The following FRMD1 variants were observed in gnomAD, a reference collection of about 807,000 sequenced individuals.
The protein encoded by FRMD1 is FERM domain containing 1.
In FRMD1, 51 loss-of-function variants were observed where a neutral mutation model predicts 54.9. The ratio of observed to expected loss-of-function variants is 0.93; its 90% CI spans 0.74 to 1.17. The LOEUF is 1.17. Among genes scored for constraint, FRMD1 ranks in the 50% most tolerant of loss-of-function variants. The pLI is 0.00. For synonymous variants in FRMD1, 324 were observed against 306.4 expected (o/e 1.06, Z -0.60); for missense variants, 729 against 743.0 (o/e 0.98, Z 0.22).
chr6:168,073,474 G>C (rs1188745735), intron 2 of FRMD1, among the ~76,000 whole-genome samples: 1 of 152,120 alleles, frequency 6.6e-6, no homozygotes, highest in African/African-American at 2.4e-5. Flanking sequence ...TGCCCCCCAG[G>C]GTCCTCCTTC....
Position 168,057,723 on chromosome 6 carries a change from A to G in FRMD1, c.1408-384T>C, listed in dbSNP as rs577863059. On this transcript the variant is annotated intron_variant, in intron 10 of 10. Transcript: ENST00000283309. Reference sequence around the variant, plus strand: ...GGCCTCCTATTTTATACGGGAGGAAACTGTCTGGGTTCAGAGGTGACTGTC... The same window carrying G: ...GGCCTCCTATTTTATACGGGAGGAAGCTGTCTGGGTTCAGAGGTGACTGTC... 269 of 226,838 alleles carry G rather than the reference A, an allele frequency of 1.2e-3. 2 individuals are homozygous for G. Among genetic ancestry groups the G allele is most frequent in the South Asian group, 2.1e-3 (34 of 16,522 alleles). The allele number at this position is 226,838 out of a possible 1,614,324, so 14.1% of individuals were successfully genotyped here.
At position 168,064,980 on chromosome 6, in the gene FRMD1, T is replaced by C. The variant is rs1028964435; in HGVS notation, c.539A>G (p.Glu180Gly). 2 of 1,611,956 alleles carry C rather than the reference T, an allele frequency of 1.2e-6. No individual in the cohort carries two copies. Among genetic ancestry groups the C allele is most frequent in the Non-Finnish European group, 1.7e-6 (2 of 1,179,878 alleles). Residue 180 changes from glutamate to glycine, a missense_variant, in exon 5 of 11, where the codon GAA becomes GGA. Transcript: ENST00000283309. Reference protein sequence around the residue: ...VLRSQCAHREEAYFLLAACAL... With the variant: ...VLRSQCAHREGAYFLLAACAL... ...GCAGGCAGCCAGCAGGAAGTAGGCTTCCTCCCGGTGAGCGCACTGTGACCT... is the reference window on the plus strand; with the variant it reads ...GCAGGCAGCCAGCAGGAAGTAGGCTCCCTCCCGGTGAGCGCACTGTGACCT...
intron 2 of FRMD1, among the ~76,000 whole-genome samples, chr6:168,068,668 G>A (rs1324793475): frequency 6.6e-6 from 1 of 152,192 alleles, no homozygotes; most frequent in East Asian, 1.9e-4. Context: ...CGTGGATACA[G>A]AGCACAGTCT....
rs1033527424 is a variant in FRMD1 at position 168,065,238 on chromosome 6, C to T, written c.462-181G>A. 12 of 1,378,936 alleles carry T rather than the reference C, an allele frequency of 8.7e-6. No individual in the cohort carries two copies. The African/African-American group carries it at 1.6e-4, about 19-fold the overall frequency. The allele number at this position is 1,378,936 out of a possible 1,614,324, so 85.4% of individuals were successfully genotyped here. A position where few individuals can be genotyped will look rare whatever the true frequency, so the allele number is the denominator to read the frequency against. On this transcript the variant is annotated intron_variant, in intron 4 of 10. Coordinates refer to ENST00000283309, the MANE Select transcript of FRMD1 (RefSeq NM_024919.6). The stretch of plus-strand genomic sequence containing the variant: ...AGGGCCAGCACGGCACAGGCCCACA[C>T]TCTTCCTGGAGCGGGGCACAGGTGA...
upstream of FRMD1, among the ~76,000 whole-genome samples, chr6:168,079,846 G>A (rs1304676438): frequency 6.6e-6 from 1 of 152,222 alleles, no homozygotes; most frequent in Non-Finnish European, 1.5e-5. Context: ...CTCCCGCAGG[G>A]CCTGGAACCC....
intron 2 of FRMD1, among the ~76,000 whole-genome samples, chr6:168,073,971 C>T (rs986870749): frequency 1.3e-5 from 2 of 152,084 alleles, no homozygotes; most frequent in African/African-American, 4.8e-5. Context: ...CACTGAGCTT[C>T]ATCTCCATCT....
chr6:168,081,236 G>T (rs1187938271), upstream of FRMD1: 6 of 1,004,758 alleles, frequency 6.0e-6, no homozygotes, highest in African/African-American at 1.6e-5. Flanking sequence ...AGTACCTCCC[G>T]CCAGGGCACT....
In FRMD1 at chr6:168,078,965, G is replaced by T. The variant is rs376991971; in HGVS notation, c.130C>A (p.Leu44Met). Reference protein sequence around the residue: ...RPACSQQEPTLGMDAMASEHR... With the variant: ...RPACSQQEPTMGMDAMASEHR... ...TCCGAGGCCATCGCGTCCATTCCCA[G>T]GGTCGGCTCCTGCTGACTGCATGCA... Residue 44 changes from leucine to methionine, a missense_variant, in exon 1 of 11, where the codon CTG (leucine) becomes ATG (methionine). Physicochemically the swap from Leu to Met is conservative, Grantham distance 15. Coordinates refer to ENST00000283309, the MANE Select transcript of FRMD1 (RefSeq NM_024919.6). The T allele has an allele frequency of 9.3e-6, 15 of 1,611,528 alleles. No individual in the cohort carries two copies. The highest frequency in any genetic ancestry group is 1.3e-5 in the Non-Finnish European group (15 of 1,179,902).
At position 168,055,524 on chromosome 6, in the gene FRMD1, G is replaced by A. The variant is rs1029606371; in HGVS notation, c.*1573C>T. 7 of 152,216 alleles carry A rather than the reference G, an allele frequency of 4.6e-5. No individual in the cohort carries two copies. The highest frequency in any genetic ancestry group is 8.8e-5 in the Non-Finnish European group (6 of 68,052). 9.4% of individuals were successfully genotyped at this position (152,216 alleles called of 1,614,324 possible). ...CATGGGACTGGGCTCTTGCTTCCAA[G>A]TTTCTTCAAAGGAAGAAGATAGTCA... On this transcript the variant is annotated 3_prime_UTR_variant, in exon 11 of 11. Coordinates refer to ENST00000283309, the MANE Select transcript of FRMD1 (RefSeq NM_024919.6).
At chr6:168,090,492 C>T (rs974692602) in intron 1 of FRMD1, among the ~76,000 whole-genome samples, 2 of 152,324 alleles carry the variant, frequency 1.3e-5, no homozygotes, top group East Asian at 1.9e-4. Context: ...TCTTTCCCAG[C>T]GTGGCTGCCC....
chr6:168,065,581 AC>A (rs1799987356), intron 4 of FRMD1: 1 of 986,966 alleles, frequency 1.0e-6, no homozygotes, highest in African/African-American at 1.7e-5. Context: ...GCCCCATAGC[AC>A]CAGGTAGCTC....
chr6:168,064,803 A>G, intron 5 of FRMD1, 68 bp downstream of exon 5: 2 of 1,500,518 alleles, frequency 1.3e-6, no homozygotes, highest in Non-Finnish European at 1.8e-6. Context: ...GCTCCCATGG[A>G]TGGCACCCGG....
chr6:168,086,458 C>T (rs1361788309), upstream of FRMD1, among the ~76,000 whole-genome samples: 1 of 150,270 alleles, frequency 6.7e-6, no homozygotes, highest in African/African-American at 2.5e-5. Context: ...ACACTGCCCA[C>T]GTTCCAGCAT....
intron 7 of FRMD1, chr6:168,062,657 C>T (rs373437481): frequency 1.9e-6 from 3 of 1,550,188 alleles, no homozygotes; most frequent in South Asian, 1.2e-5. Context: ...CACGGGGACC[C>T]CCCAGACACC....
intron 7 of FRMD1, 69 bp downstream of exon 7, chr6:168,062,825 C>T (rs1799821844): frequency 2.5e-6 from 4 of 1,604,818 alleles, no homozygotes; most frequent in Non-Finnish European, 3.4e-6. Flanking sequence ...GCCCAGACTC[C>T]AGTGGGGAAG....
Position 168,060,656 on chromosome 6 carries a change from G to A in FRMD1, c.1342+105C>T, listed in dbSNP as rs1015872255. The A allele has an allele frequency of 5.1e-6, 6 of 1,181,450 alleles. No homozygotes were observed. The African/African-American group carries it at 9.1e-5, about 18-fold the overall frequency. 73.2% of individuals were successfully genotyped at this position (1,181,450 alleles called of 1,614,324 possible). A position where few individuals can be genotyped will look rare whatever the true frequency, so the allele number is the denominator to read the frequency against. ...CAGCCCCTCACGTCTGGCCACTGGA[G>A]GGCAGGCCAGGGCTTTGCTGCCTCG... On this transcript the variant is annotated intron_variant, in intron 9 of 10. Coordinates refer to ENST00000283309, the MANE Select transcript of FRMD1 (RefSeq NM_024919.6).
Position 168,067,378 on chromosome 6 carries a change from C to T in FRMD1, c.373G>A (p.Glu125Lys). ...CACTCTACACTTACTTCATTTCTTT[C>T]TTTCTTCCAATCTTTTGAGAAGTAC... ...SKYFSKDWKK[E>K]RNEGNEKPRA... Residue 125 changes from glutamate (E) to lysine (K), a missense_variant, in exon 3 of 11, where the codon GAA becomes AAA. Coordinates refer to ENST00000283309, the MANE Select transcript of FRMD1 (RefSeq NM_024919.6). 6.2e-7 allele frequency: 1 copy of T among 1,600,432 alleles called. No individual in the cohort carries two copies. The highest frequency in any genetic ancestry group is 8.5e-7 in the Non-Finnish European group (1 of 1,172,392).
chr6:168,072,887 G>T (rs1332841500), intron 2 of FRMD1, among the ~76,000 whole-genome samples: 1 of 152,124 alleles, frequency 6.6e-6, no homozygotes, highest in Admixed American at 6.5e-5. Flanking sequence ...ACTCTCCAAA[G>T]TCAACATCCC....
chr6:168,054,238 T>TG lies in FRMD1; in HGVS notation c.*2858dup, dbSNP rs1347282000. On this transcript the variant is annotated 3_prime_UTR_variant, in exon 11 of 11. Coordinates refer to ENST00000283309, the MANE Select transcript of FRMD1 (RefSeq NM_024919.6). Reference sequence around the variant, plus strand: ...GCGAGACCCACAGAAGCAGACGCAGTGGGGGGCTGAGAAACCCAGCCTGAA... The same window carrying TG: ...GCGAGACCCACAGAAGCAGACGCAGTGGGGGGGCTGAGAAACCCAGCCTGAA... 5.9e-5 allele frequency: 9 copies of TG among 151,844 alleles called. No individual in the cohort carries two copies. Among genetic ancestry groups the TG allele is most frequent in the Admixed American group, 4.6e-4 (7 of 15,240 alleles). 9.4% of individuals were successfully genotyped at this position (151,844 alleles called of 1,614,324 possible). A position where few individuals can be genotyped will look rare whatever the true frequency, so the allele number is the denominator to read the frequency against.
Sources: allele counts gnomAD v4.1 joint callset (sites outside exome capture counted in the v4.1 genomes callset), GRCh38; gene constraint gnomAD v4.1.1; transcripts MANE v1.5; gene names NCBI Gene and HGNC (gene_info 2026-07-23, HGNC 2026-07-21).